Variants in TANC2 observed in about 807,000 individuals in gnomAD.
TANC2 encodes protein TANC2.
Under a neutral mutation model 210.5 loss-of-function variants are expected in TANC2, and 26 were observed. That is an observed-to-expected ratio of 0.12 (90% confidence interval 0.09 to 0.17). The LOEUF (loss-of-function observed/expected upper bound fraction) is 0.17. Ranked by LOEUF, TANC2 falls within the 10% of genes least tolerant of loss-of-function variation. TANC2 has a pLI of 1.00. For missense variants in TANC2, 2,129 were observed against 2,608.9 expected, an observed-to-expected ratio of 0.82 and a Z score of 4.01; for synonymous variants, 931 against 967.1, an observed-to-expected ratio of 0.96 and a Z score of 0.69.
At chr17:63,255,087 ATTTATTT>A (rs2043152302) in intron 8 of TANC2, among the ~76,000 whole-genome samples, 1 of 146,204 alleles carries the variant, frequency 6.8e-6, no homozygotes, top group African/African-American at 2.6e-5. Context: ...TTATTTATTT[ATTTATTT>A]ATTTATTTAT....
intron 2 of TANC2, among the ~76,000 whole-genome samples, chr17:63,066,918 C>T (rs746302509): frequency 4.6e-5 from 7 of 152,048 alleles, no homozygotes; most frequent in Non-Finnish European, 8.8e-5. Context: ...AAGTCAACCC[C>T]ATTAAGTTTT....
intron 4 of TANC2, among the ~76,000 whole-genome samples, chr17:63,108,768 G>A (rs1425555721): frequency 2.0e-5 from 3 of 151,248 alleles, no homozygotes; most frequent in South Asian, 2.1e-4. Context: ...AAGATCATGC[G>A]GCTGCACTCC....
chr17:63,325,318 G>A (rs2045614044), intron 11 of TANC2, among the ~76,000 whole-genome samples: 1 of 152,186 alleles, frequency 6.6e-6, no homozygotes. Flanking sequence ...ATTGATTTCA[G>A]TTCCTTGAAA....
chr17:63,029,580 A>G (rs1482076691), intron 2 of TANC2, among the ~76,000 whole-genome samples: 4 of 152,108 alleles, frequency 2.6e-5, no homozygotes, highest in Admixed American at 2.6e-4. Context: ...TGATAGGTAT[A>G]TTTTATAAAT....
chr17:63,068,128 A>G (rs1274384735), intron 2 of TANC2, among the ~76,000 whole-genome samples: 1 of 152,202 alleles, frequency 6.6e-6, no homozygotes, highest in Admixed American at 6.5e-5. Flanking sequence ...ATTTCTCATC[A>G]GAAAACGTGC....
At chr17:63,374,032 G>GTTTTTT (rs35801082) in intron 14 of TANC2, among the ~76,000 whole-genome samples, 52 of 93,530 alleles carry the variant, frequency 5.6e-4, no homozygotes, top group African/African-American at 1.1e-3. Flanking sequence ...GTTGTTGTTG[G>GTTTTTT]TTTTTTTTTT....
chr17:63,140,029 G>C (rs2039229925), intron 4 of TANC2, among the ~76,000 whole-genome samples: 1 of 152,028 alleles, frequency 6.6e-6, no homozygotes, highest in Admixed American at 6.6e-5. Context: ...TATTTTCTTG[G>C]AATTTCATGC....
Position 63,242,824 on chromosome 17 carries a change from C to A in TANC2, c.1033+4747C>A, listed in dbSNP as rs1443943819. 3.3e-5 allele frequency among the ~76,000 whole-genome samples: 5 copies of A among 152,070 alleles called. No homozygotes were observed. The East Asian group carries it at 9.6e-4, about 29-fold the overall frequency. ...ACAGAGGGAAATGAATTATGGATAC[C>A]ACAGCAACATACATGAATCTCAAAA... is the stretch of plus-strand genomic sequence containing the variant. On this transcript the variant is annotated intron_variant, in intron 8 of 27. Coordinates refer to ENST00000689528, the Ensembl canonical transcript of TANC2.
intron 8 of TANC2, among the ~76,000 whole-genome samples, chr17:63,247,162 A>G (rs1429774311): frequency 2.6e-5 from 4 of 152,044 alleles, no homozygotes; most frequent in Non-Finnish European, 5.9e-5. Flanking sequence ...AACTTGTTGT[A>G]TATTCTGGAT....
At chr17:63,155,721 AG>A (rs1173582854) in intron 5 of TANC2, among the ~76,000 whole-genome samples, 2 of 152,188 alleles carry the variant, frequency 1.3e-5, no homozygotes, top group African/African-American at 4.8e-5. Flanking sequence ...TGTCTTTCAA[AG>A]GACAGTGTTA....
At chr17:63,376,747 G>A (rs2047435737) in intron 14 of TANC2, among the ~76,000 whole-genome samples, 1 of 151,368 alleles carries the variant, frequency 6.6e-6, no homozygotes, top group Non-Finnish European at 1.5e-5. Flanking sequence ...GGAATCATCA[G>A]TATCATCTGA....
chr17:63,427,079 G>GTT (rs745489555), exon 28 of TANC2: 1 of 152,170 alleles, frequency 6.6e-6, no homozygotes, highest in Non-Finnish European at 1.5e-5. Context: ...GTTTTGTTTT[G>GTT]TTTTTTGTTT....
chr17:63,397,565 G>A (rs1303053222), intron 18 of TANC2, among the ~76,000 whole-genome samples: 2 of 152,164 alleles, frequency 1.3e-5, no homozygotes, highest in Non-Finnish European at 2.9e-5. Flanking sequence ...AGCACTAAAT[G>A]AAGCCCTGAT....
intron 2 of TANC2, among the ~76,000 whole-genome samples, chr17:63,022,165 C>T (rs2034375880): frequency 6.6e-6 from 1 of 151,698 alleles, no homozygotes; most frequent in South Asian, 2.1e-4. Context: ...ATGGTGAAAC[C>T]CCATCTGTAC....
rs899419237 is a variant in TANC2, at chr17:63,340,903, G to C, written c.1807+571G>C. Among the ~76,000 whole-genome samples the C allele has an allele frequency of 1.3e-5, 2 of 152,120 alleles. 1 individual carries two copies. The highest frequency in any genetic ancestry group is 2.9e-5 in the Non-Finnish European group (2 of 68,016). On this transcript the variant is annotated intron_variant, in intron 12 of 27. Coordinates refer to ENST00000689528, the Ensembl canonical transcript of TANC2. The stretch of plus-strand genomic sequence containing the variant: ...TTTAAAAGTGAAAAAAATTAAATGA[G>C]ATCCATCTCCCATTCATGCTCATGC...
intron 5 of TANC2, among the ~76,000 whole-genome samples, chr17:63,177,518 A>G (rs1203204165): frequency 6.6e-6 from 1 of 152,088 alleles, no homozygotes; most frequent in Non-Finnish European, 1.5e-5. Context: ...TAATTAAGTT[A>G]TGGTTGTATT....
chr17:63,366,799 T>C (rs561335131), intron 14 of TANC2, among the ~76,000 whole-genome samples: 56 of 152,320 alleles, frequency 3.7e-4, no homozygotes, highest in Non-Finnish European at 5.1e-4. Context: ...AGAAATATAT[T>C]TTGAATTCAG....
intron 4 of TANC2, among the ~76,000 whole-genome samples, chr17:63,119,276 A>G (rs569938369): frequency 1.3e-5 from 2 of 152,350 alleles, no homozygotes; most frequent in Admixed American, 1.3e-4. Flanking sequence ...CGTCAGTGAT[A>G]TGACTAGGTT....
Position 63,420,722 on chromosome 17 carries a change from A to G in TANC2, c.4992A>G (p.Pro1664=). ...AGCTTCCTGGCAGACCCAAATCTCC[A>G]TTATCCAAAATGGCCCAGCGGCCCT... Residue 1664 remains proline, a synonymous_variant, in exon 28 of 28, where the codon CCA becomes CCG. Coordinates refer to ENST00000689528, the Ensembl canonical transcript of TANC2. This position sits in a 1 kb window ranked among gnomAD's most constrained non-coding sequence, Gnocchi z 4.2. The G allele has an allele frequency of 6.2e-7, 1 of 1,613,924 alleles. No homozygotes were observed.
Sources: gnomAD v4.1 joint callset for allele counts (sites outside exome capture counted in the v4.1 genomes callset) on GRCh38, gnomAD v4.1.1 for gene constraint, Gnocchi (gnomAD v3.1) non-coding constraint, MANE v1.5 for transcripts, NCBI Gene and HGNC (gene_info 2026-07-23, HGNC 2026-07-21) for gene names.